CREB5: variants seen among roughly 807,000 people sequenced by gnomAD.
CREB5 encodes cAMP responsive element binding protein 5.
In CREB5, 19 loss-of-function variants were observed where a neutral mutation model predicts 57.1. The observed-to-expected ratio is 0.33, with a 90% CI of 0.23 to 0.49. The LOEUF (loss-of-function observed/expected upper bound fraction) is 0.49, where lower values mean the gene tolerates loss of function less well. CREB5 is among the 20% of genes least tolerant of loss of function. The pLI is 0.99. For synonymous variants in CREB5, 238 were observed against 238.3 expected (o/e 1.00, Z 0.01); for missense variants, 579 against 671.6 (o/e 0.86, Z 1.52).
intron 4 of CREB5, among the ~76,000 whole-genome samples, chr7:28,512,951 A>T (rs763479624): frequency 3.3e-5 from 5 of 152,232 alleles, no homozygotes; most frequent in Non-Finnish European, 7.3e-5. Flanking sequence ...TGTTTAACAC[A>T]TGGAACAAGG....
chr7:28,813,001 C>G (rs1223078736), intron 9 of CREB5, among the ~76,000 whole-genome samples: 1 of 152,168 alleles, frequency 6.6e-6, no homozygotes, highest in Non-Finnish European at 1.5e-5. Flanking sequence ...AAATCAAACT[C>G]CCAGACTTCA....
intron 1 of CREB5, among the ~76,000 whole-genome samples, chr7:28,312,628 G>A (rs1167405019): frequency 6.6e-6 from 1 of 152,198 alleles, no homozygotes; most frequent in African/African-American, 2.4e-5. Flanking sequence ...TAAACATGGG[G>A]ATGGTAATAA....
chr7:28,303,970 TAATA>T (rs1275120433), intron 1 of CREB5, among the ~76,000 whole-genome samples: 2 of 152,204 alleles, frequency 1.3e-5, no homozygotes, highest in African/African-American at 4.8e-5. Context: ...AATAAGAGAA[TAATA>T]AATAGCTCAA....
chr7:28,534,176 T>C (rs1426202523), intron 4 of CREB5, among the ~76,000 whole-genome samples: 2 of 152,246 alleles, frequency 1.3e-5, no homozygotes, highest in South Asian at 2.1e-4. Flanking sequence ...ATTGTCTCCC[T>C]GTGCAATTTG....
chr7:28,468,951 G>A (rs572977516), intron 1 of CREB5, among the ~76,000 whole-genome samples: 6 of 152,140 alleles, frequency 3.9e-5, no homozygotes, highest in Admixed American at 6.5e-5. Flanking sequence ...AAAATCCCAC[G>A]CTCTCGACTA....
chr7:28,676,313 G>C (rs923618718), intron 5 of CREB5, among the ~76,000 whole-genome samples: 2 of 152,056 alleles, frequency 1.3e-5, no homozygotes, highest in African/African-American at 4.8e-5. Flanking sequence ...TCTATTCCCT[G>C]GGCTTGTGTG....
At chr7:28,428,701 T>C (rs1788601221) in intron 1 of CREB5, among the ~76,000 whole-genome samples, 1 of 152,032 alleles carries the variant, frequency 6.6e-6, no homozygotes, top group Non-Finnish European at 1.5e-5. Flanking sequence ...AGATGCTGAA[T>C]CAATGTGAGA....
intron 1 of CREB5, among the ~76,000 whole-genome samples, chr7:28,477,911 T>C (rs1791150247): frequency 6.6e-6 from 1 of 152,104 alleles, no homozygotes; most frequent in Admixed American, 6.5e-5. Context: ...GCCCGGGAGT[T>C]TGAGACCAGC....
chr7:28,509,280 C>T (rs1167796016), intron 4 of CREB5, among the ~76,000 whole-genome samples: 1 of 152,072 alleles, frequency 6.6e-6, no homozygotes, highest in Non-Finnish European at 1.5e-5. Context: ...TTCGTGAAGC[C>T]CGTGGTCGGG....
chr7:28,319,408 G>C (rs1785447151), intron 1 of CREB5, among the ~76,000 whole-genome samples: 2 of 152,168 alleles, frequency 1.3e-5, no homozygotes, highest in African/African-American at 4.8e-5. Flanking sequence ...TTGCAGGGTA[G>C]CTTTATGGTA....
At chr7:28,352,014 A>C (rs1310500200) in intron 1 of CREB5, among the ~76,000 whole-genome samples, 2 of 152,236 alleles carry the variant, frequency 1.3e-5, no homozygotes. Flanking sequence ...TGTTTTAAAA[A>C]AATTATTTTT....
chr7:28,373,626 A>T (rs80159749), intron 1 of CREB5, among the ~76,000 whole-genome samples: 11 of 151,626 alleles, frequency 7.3e-5, no homozygotes, highest in African/African-American at 1.9e-4. Context: ...AGATTTCACC[A>T]TGTTACCCAG....
intron 1 of CREB5, among the ~76,000 whole-genome samples, chr7:28,459,441 A>G (rs1026385474): frequency 6.6e-6 from 1 of 152,188 alleles, no homozygotes. Context: ...GATTAGAGTC[A>G]TGTAGTACTG....
At chr7:28,579,505 A>G (rs993783588) in intron 5 of CREB5, among the ~76,000 whole-genome samples, 7 of 152,196 alleles carry the variant, frequency 4.6e-5, no homozygotes, top group African/African-American at 1.7e-4. Flanking sequence ...AAAGTCTGTA[A>G]AATGATAGGA....
intron 4 of CREB5, among the ~76,000 whole-genome samples, chr7:28,560,923 C>CGCAT: frequency 1.0e-4 from 2 of 19,848 alleles, no homozygotes; most frequent in East Asian, 2.0e-3. Context: ...TGCGTGTGTG[C>CGCAT]GCGTGCGTGT....
intron 7 of CREB5, among the ~76,000 whole-genome samples, chr7:28,743,838 C>CTTTTTTTT (rs58302393): frequency 5.0e-3 from 378 of 75,892 alleles, no homozygotes; most frequent in Middle Eastern, 0.013. Flanking sequence ...ATCTCCTTTT[C>CTTTTTTTT]TTTTTTTTTT....
intron 2 of CREB5, among the ~76,000 whole-genome samples, chr7:28,488,859 T>C (rs1171438504): frequency 6.6e-6 from 1 of 152,212 alleles, no homozygotes; most frequent in East Asian, 1.9e-4. Context: ...GTAGAGTGTT[T>C]AACATAGGGT....
chr7:28,360,843 T>C (rs1786460708), intron 1 of CREB5, among the ~76,000 whole-genome samples: 1 of 152,224 alleles, frequency 6.6e-6, no homozygotes, highest in South Asian at 2.1e-4. Flanking sequence ...CAATCATTCC[T>C]AGTGGTGTGT....
At chr7:28,794,813 A>G (rs1258111419) in intron 7 of CREB5, among the ~76,000 whole-genome samples, 1 of 152,176 alleles carries the variant, frequency 6.6e-6, no homozygotes, top group African/African-American at 2.4e-5. Context: ...AAATGGATCA[A>G]TTCATCAGAT....
Sources: allele counts gnomAD v4.1 joint callset (sites outside exome capture counted in the v4.1 genomes callset), GRCh38; gene constraint gnomAD v4.1.1; transcripts MANE v1.5; gene names NCBI Gene and HGNC (gene_info 2026-07-23, HGNC 2026-07-21).